Variants in SYT1 observed in about 807,000 individuals in gnomAD.
The protein encoded by SYT1 is synaptotagmin-1.
Under a neutral mutation model 44.8 loss-of-function variants are expected in SYT1, and 8 were observed. That is an observed-to-expected ratio of 0.18 (90% CI 0.10 to 0.32). The LOEUF (loss-of-function observed/expected upper bound fraction) is 0.32. SYT1 is among the 10% of genes least tolerant of loss of function. SYT1 has a pLI of 1.00. For synonymous variants in SYT1, 154 were observed against 188.8 expected (o/e 0.82, Z 1.51); for missense variants, 286 against 509.3 (o/e 0.56, Z 4.22).
chr12:78,951,890 C>T (rs1192993248), intron 1 of SYT1, among the ~76,000 whole-genome samples: 1 of 152,142 alleles, frequency 6.6e-6, no homozygotes, highest in East Asian at 1.9e-4. Flanking sequence ...GGCGTCTGCA[C>T]TTCTGTCTGT....
chr12:79,069,744 T>C (rs528770429), intron 3 of SYT1, among the ~76,000 whole-genome samples: 5 of 152,242 alleles, frequency 3.3e-5, no homozygotes, highest in African/African-American at 1.2e-4. Context: ...TTTCTGGATC[T>C]CAGTCCTCTT....
chr12:79,361,821 T>A (rs573853852), intron 9 of SYT1, among the ~76,000 whole-genome samples: 1 of 152,300 alleles, frequency 6.6e-6, no homozygotes, highest in East Asian at 1.9e-4. Context: ...AGTCCAAGTT[T>A]AAGGGATTTG....
chr12:79,030,811 G>A (rs1188542804), intron 2 of SYT1, among the ~76,000 whole-genome samples: 8 of 151,064 alleles, frequency 5.3e-5, no homozygotes, highest in Non-Finnish European at 1.2e-4. Context: ...TTTAAATTAA[G>A]TGAAGGAGTA....
intron 1 of SYT1, among the ~76,000 whole-genome samples, chr12:78,904,034 A>G (rs1221798399): frequency 6.6e-6 from 1 of 152,026 alleles, no homozygotes; most frequent in South Asian, 2.1e-4. Context: ...GTATTCAGTA[A>G]GAAAAATAAT....
intron 9 of SYT1, among the ~76,000 whole-genome samples, chr12:79,385,596 T>C (rs888976408): frequency 5.9e-5 from 9 of 152,164 alleles, no homozygotes; most frequent in Non-Finnish European, 1.0e-4. Flanking sequence ...CAAGATGGTA[T>C]CAGAGCCACA....
chr12:79,057,315 A>G (rs939309671), intron 3 of SYT1, among the ~76,000 whole-genome samples: 1 of 152,016 alleles, frequency 6.6e-6, no homozygotes, highest in East Asian at 1.9e-4. Flanking sequence ...GGCAAAGCCT[A>G]TGTTCATGAA....
rs140431537 is a variant in SYT1, at chr12:79,286,438, A to T, written c.351+467A>T. On this transcript the variant is annotated intron_variant, in intron 5 of 10. Coordinates refer to ENST00000261205, the MANE Select transcript of SYT1 (RefSeq NM_005639.3). The stretch of plus-strand genomic sequence containing the variant: ...AGCTGCTTTTCCTACATGTCCATCC[A>T]GCTGAAAAATTAATTCTCAAGAATA... Among the ~76,000 whole-genome samples, 164 of 152,294 alleles carry T rather than the reference A, an allele frequency of 1.1e-3. 2 individuals are homozygous for T. The East Asian group carries it at 0.029, about 27-fold the overall frequency.
At chr12:79,271,393 A>G (rs1192608841) in intron 4 of SYT1, among the ~76,000 whole-genome samples, 1 of 152,182 alleles carries the variant, frequency 6.6e-6, no homozygotes, top group African/African-American at 2.4e-5. Context: ...GTATCCCTGA[A>G]GCACTAAATT....
At chr12:78,867,395 A>G (rs1376583575) in intron 1 of SYT1, among the ~76,000 whole-genome samples, 1 of 152,130 alleles carries the variant, frequency 6.6e-6, no homozygotes, top group East Asian at 1.9e-4. Flanking sequence ...ATACTTCTAA[A>G]AAATTCAATA....
intron 2 of SYT1, among the ~76,000 whole-genome samples, chr12:79,023,976 T>A (rs1004028863): frequency 6.6e-6 from 1 of 151,838 alleles, no homozygotes; most frequent in Non-Finnish European, 1.5e-5. Context: ...TTCACATTGA[T>A]GCAATAGGAT....
intron 8 of SYT1, among the ~76,000 whole-genome samples, chr12:79,302,697 TC>T (rs1231569652): frequency 6.6e-6 from 1 of 152,120 alleles, no homozygotes; most frequent in African/African-American, 2.4e-5. Context: ...TTGATCGTGT[TC>T]CGCAAATTTA....
At chr12:79,301,403 AC>A (rs1880145297) in intron 8 of SYT1, among the ~76,000 whole-genome samples, 1 of 152,182 alleles carries the variant, frequency 6.6e-6, no homozygotes, top group South Asian at 2.1e-4. Flanking sequence ...ATCTTTGAGT[AC>A]GAGCAGAGTT....
At chr12:79,033,108 A>T (rs947808398) in intron 2 of SYT1, among the ~76,000 whole-genome samples, 4 of 151,354 alleles carry the variant, frequency 2.6e-5, no homozygotes, top group Non-Finnish European at 4.4e-5. Flanking sequence ...ATTAGTTGCC[A>T]TTCACATTAG....
chr12:79,414,913 A>T (rs10861988), intron 9 of SYT1, among the ~76,000 whole-genome samples: 133,704 of 152,084 alleles, frequency 0.88, 60,916 homozygotes, highest in East Asian at 1. Flanking sequence ...ATTTCTCCAA[A>T]AGGAATATAG....
At chr12:79,062,134 T>A (rs1875435837) in intron 3 of SYT1, among the ~76,000 whole-genome samples, 1 of 152,104 alleles carries the variant, frequency 6.6e-6, no homozygotes, top group Non-Finnish European at 1.5e-5. Flanking sequence ...CATAATGACA[T>A]TTTGTTGTTA....
At chr12:79,330,032 T>A (rs1426787183) in intron 8 of SYT1, among the ~76,000 whole-genome samples, 1 of 152,182 alleles carries the variant, frequency 6.6e-6, no homozygotes, top group African/African-American at 2.4e-5. Context: ...TTATTACCCC[T>A]CCTGAGTCAA....
At chr12:79,354,095 T>G (rs1234164487) in intron 9 of SYT1, among the ~76,000 whole-genome samples, 1 of 152,206 alleles carries the variant, frequency 6.6e-6, no homozygotes, top group Non-Finnish European at 1.5e-5. Context: ...ATGAAATCTC[T>G]GTTTCAGAGT....
intron 1 of SYT1, among the ~76,000 whole-genome samples, chr12:78,966,076 CAA>C (rs1355976130): frequency 8.1e-4 from 65 of 80,446 alleles, no homozygotes; most frequent in African/African-American, 1.9e-3. Flanking sequence ...GACTCTGTCT[CAA>C]AAAAAAAAAA....
intron 8 of SYT1, among the ~76,000 whole-genome samples, chr12:79,317,595 A>G (rs1274620184): frequency 6.6e-6 from 1 of 152,160 alleles, no homozygotes. Context: ...AAGTCAAGCT[A>G]TCTACTCACA....
Sources: allele counts gnomAD v4.1 joint callset (sites outside exome capture counted in the v4.1 genomes callset), GRCh38; gene constraint gnomAD v4.1.1; transcripts MANE v1.5; gene names NCBI Gene and HGNC (gene_info 2026-07-23, HGNC 2026-07-21).